TBCK: variants seen among roughly 807,000 people sequenced by gnomAD.
TBCK encodes TBC1 domain containing kinase.
In TBCK, 99 loss-of-function variants were observed where a neutral mutation model predicts 113.4. The ratio of observed to expected loss-of-function variants is 0.87; its 90% CI spans 0.74 to 1.03. The LOEUF (loss-of-function observed/expected upper bound fraction) is 1.03, where lower values mean the gene tolerates loss of function less well. Among genes scored for constraint, TBCK ranks in the 50% least tolerant of loss-of-function variants. The pLI is 0.00. For missense variants in TBCK, 1,045 were observed against 1,061.3 expected (o/e 0.98, Z 0.21); for synonymous variants, 369 against 370.8 (o/e 1.00, Z 0.05).
In TBCK at chr4:106,235,378, A is replaced by C; in HGVS notation, c.1351-11T>G. ...TTTATATGGATAAGCCTATGATATC[A>C]AAAAAGAAATGAAAACGTCTCAAAT... On this transcript the variant is annotated splice_polypyrimidine_tract_variant and intron_variant, in intron 14 of 25. Coordinates refer to ENST00000394708, the MANE Select transcript of TBCK (RefSeq NM_001163435.3). 1.3e-6 allele frequency: 2 copies of C among 1,567,044 alleles called. No homozygotes were observed. The highest frequency in any genetic ancestry group is 8.7e-7 in the Non-Finnish European group (1 of 1,150,358).
intron 4 of TBCK, among the ~76,000 whole-genome samples, chr4:106,260,861 T>C (rs1762441194): frequency 6.6e-6 from 1 of 151,938 alleles, no homozygotes; most frequent in East Asian, 1.9e-4. Flanking sequence ...GGTTAGAATG[T>C]TTTGTGGTAA....
At chr4:106,080,606 G>T (rs1035716547) in intron 25 of TBCK, among the ~76,000 whole-genome samples, 1 of 152,132 alleles carries the variant, frequency 6.6e-6, no homozygotes, top group Non-Finnish European at 1.5e-5. Context: ...CTGGGCAGTG[G>T]CCAGGAAAGG....
intron 12 of TBCK, among the ~76,000 whole-genome samples, chr4:106,240,200 ATAAC>A: frequency 6.6e-6 from 1 of 152,234 alleles, no homozygotes; most frequent in African/African-American, 2.4e-5. Context: ...AACAAAACTT[ATAAC>A]TAAGAATAGA....
chr4:106,107,024 C>G (rs1382450990), intron 24 of TBCK, among the ~76,000 whole-genome samples: 1 of 141,044 alleles, frequency 7.1e-6, no homozygotes, highest in Non-Finnish European at 1.6e-5. Flanking sequence ...AAACCAACAA[C>G]GATTTAAAAA....
intron 25 of TBCK, among the ~76,000 whole-genome samples, chr4:106,078,012 A>G (rs1006682771): frequency 4.6e-5 from 7 of 152,142 alleles, no homozygotes; most frequent in Middle Eastern, 3.2e-3. Context: ...AAAACCATAC[A>G]ATTACATGTT....
At chr4:106,286,335 C>T (rs968576238) in intron 3 of TBCK, among the ~76,000 whole-genome samples, 4 of 152,258 alleles carry the variant, frequency 2.6e-5, no homozygotes, top group African/African-American at 9.6e-5. Flanking sequence ...ACTATTTTAT[C>T]CTCATGAAGA....
intron 23 of TBCK, among the ~76,000 whole-genome samples, chr4:106,129,214 G>C (rs1012525752): frequency 6.6e-6 from 1 of 152,146 alleles, no homozygotes; most frequent in African/African-American, 2.4e-5. Context: ...GAGGGCCATG[G>C]TGGTTTGCTG....
chr4:106,265,097 T>C (rs1762868581), intron 3 of TBCK, among the ~76,000 whole-genome samples: 1 of 151,958 alleles, frequency 6.6e-6, no homozygotes, highest in Admixed American at 6.6e-5. Flanking sequence ...ATTAAGCATG[T>C]ACTTTCAATC....
At chr4:106,149,959 T>G (rs1475415941) in intron 23 of TBCK, among the ~76,000 whole-genome samples, 8 of 152,218 alleles carry the variant, frequency 5.3e-5, no homozygotes, top group African/African-American at 1.9e-4. Flanking sequence ...GAATGTAACT[T>G]TTTTGAGTCC....
rs142635891 is a variant in TBCK at position 106,248,827 on chromosome 4, G to A, written c.720+94C>T. The A allele has an allele frequency of 3.7e-4, 377 of 1,011,386 alleles. 4 individuals carry two copies. The East Asian group carries it at 9.0e-3, about 24-fold the overall frequency. The allele number at this position is 1,011,386 out of a possible 1,614,324, so 62.7% of individuals were successfully genotyped here. ...CTTGGACTTCCTAGTTTCAATAACT[G>A]TGGAAAAATAAATTTTTGTCTTTAT... On this transcript the variant is annotated intron_variant, in intron 8 of 25. Transcript: ENST00000394708.
Position 106,186,478 on chromosome 4 carries a change from T to C in TBCK, c.2059+7131A>G, listed in dbSNP as rs533266176. On this transcript the variant is annotated intron_variant, in intron 22 of 25. Transcript: ENST00000394708. ...GTGGTTTTGATTTGCATTTCTCTAATGATTAGTGATGTTGAACATTTTTTC... is the reference window on the plus strand; with the variant it reads ...GTGGTTTTGATTTGCATTTCTCTAACGATTAGTGATGTTGAACATTTTTTC... Among the ~76,000 whole-genome samples the C allele has an allele frequency of 2.0e-5, 3 of 152,324 alleles. No individual in the cohort carries two copies. In the Middle Eastern group the frequency reaches 0.01, roughly 518 times the overall value.
At chr4:106,251,795 T>C in intron 6 of TBCK, 71 bp downstream of exon 6, 1 of 1,310,864 alleles carries the variant, frequency 7.6e-7, no homozygotes, top group African/African-American at 1.5e-5. Flanking sequence ...ATTATTAACT[T>C]TCCTCTCCAA....
intron 25 of TBCK, among the ~76,000 whole-genome samples, chr4:106,087,940 T>C (rs111775469): frequency 0.077 from 11,681 of 152,212 alleles, 517 homozygotes; most frequent in Middle Eastern, 0.18. Context: ...TTATGTCTTA[T>C]ACAAAAATTA....
intron 24 of TBCK, among the ~76,000 whole-genome samples, chr4:106,114,529 A>G (rs1743252357): frequency 6.6e-6 from 1 of 152,174 alleles, no homozygotes; most frequent in Non-Finnish European, 1.5e-5. Flanking sequence ...TGTCAGGGCT[A>G]CAGCTGCTGA....
intron 19 of TBCK, among the ~76,000 whole-genome samples, chr4:106,217,924 CA>C (rs1757169243): frequency 6.9e-6 from 1 of 144,148 alleles, no homozygotes; most frequent in Non-Finnish European, 1.6e-5. Flanking sequence ...AATCCTAAGC[CA>C]AAAGAACAAA....
At chr4:106,177,742 T>C (rs1751856851) in intron 22 of TBCK, among the ~76,000 whole-genome samples, 1 of 151,948 alleles carries the variant, frequency 6.6e-6, no homozygotes, top group Non-Finnish European at 1.5e-5. Context: ...AGCTCTGTAG[T>C]ATATTTGGGA....
At chr4:106,150,554 C>T (rs1187434921) in intron 23 of TBCK, among the ~76,000 whole-genome samples, 3 of 151,930 alleles carry the variant, frequency 2.0e-5, no homozygotes, top group African/African-American at 7.3e-5. Context: ...CATTGCTTTA[C>T]AGAAAATAGA....
At chr4:106,149,461 C>T (rs1748222677) in intron 23 of TBCK, among the ~76,000 whole-genome samples, 2 of 152,062 alleles carry the variant, frequency 1.3e-5, no homozygotes, top group African/African-American at 2.4e-5. Flanking sequence ...CATTATAGGG[C>T]TACTAATTGA....
Position 106,176,112 on chromosome 4 carries a change from G to A in TBCK, c.2060-4842C>T, listed in dbSNP as rs143833138. 3.9e-3 allele frequency among the ~76,000 whole-genome samples: 597 copies of A among 152,252 alleles called. 5 individuals are homozygous for A. Among genetic ancestry groups the A allele is most frequent in the African/African-American group, 0.014 (569 of 41,568 alleles). ...TGATATTTTGCTATATGCATACAAT[G>A]TGTAATGATCAAAACAGGGTAATCA... On this transcript the variant is annotated intron_variant, in intron 22 of 25. Transcript: ENST00000394708.
Sources: gnomAD v4.1 joint callset for allele counts (sites outside exome capture counted in the v4.1 genomes callset) on GRCh38, gnomAD v4.1.1 for gene constraint, MANE v1.5 for transcripts, NCBI Gene and HGNC (gene_info 2026-07-23, HGNC 2026-07-21) for gene names.